CAPRIN1: variants seen among roughly 807,000 people sequenced by gnomAD.
CAPRIN1 encodes the protein cell cycle associated protein 1, also known as caprin-1.
Under a neutral mutation model 100.9 loss-of-function variants are expected in CAPRIN1, and 29 were observed. The ratio of observed to expected loss-of-function variants is 0.29; its 90% CI spans 0.21 to 0.39. The LOEUF (loss-of-function observed/expected upper bound fraction) is 0.39. Among genes scored for constraint, CAPRIN1 ranks in the 10% least tolerant of loss-of-function variants. CAPRIN1 has a pLI of 1.00. For missense variants in CAPRIN1, 795 were observed against 876.7 expected (o/e 0.91, Z 1.18); for synonymous variants, 338 against 307.5 (o/e 1.10, Z -1.04).
chr11:34,096,331 A>C, intron 15 of CAPRIN1, 148 bp from the exon 16 acceptor site: 1 of 579,674 alleles, frequency 1.7e-6, no homozygotes, highest in Non-Finnish European at 3.0e-6. Context: ...GACTTTATTC[A>C]TGTGTAGTTT....
chr11:34,053,162 GAGAAGTGT>G (rs1850367083), intron 2 of CAPRIN1: 1 of 987,704 alleles, frequency 1.0e-6, no homozygotes, highest in Non-Finnish European at 1.2e-6. Flanking sequence ...TTCCGTAGGA[GAGAAGTGT>G]GTTTAGAATC....
chr11:34,076,194 A>T, intron 4 of CAPRIN1, 42 bp from the exon 5 acceptor site: 4 of 1,463,062 alleles, frequency 2.7e-6, no homozygotes, highest in Non-Finnish European at 3.8e-6. Flanking sequence ...ACTAAGTTTT[A>T]TATAACTAAT....
intron 2 of CAPRIN1, among the ~76,000 whole-genome samples, chr11:34,059,959 G>T (rs1438141599): frequency 6.7e-6 from 1 of 148,924 alleles, no homozygotes; most frequent in South Asian, 2.1e-4. Context: ...ACTTTGGGAG[G>T]CTGAGGCAGG....
intron 9 of CAPRIN1, among the ~76,000 whole-genome samples, chr11:34,085,631 C>T (rs1490612477): frequency 6.6e-6 from 1 of 152,024 alleles, no homozygotes. Context: ...GTGTGAAACC[C>T]TGTCTCCGCT....
At chr11:34,095,002 C>T (rs889999898) in intron 15 of CAPRIN1, among the ~76,000 whole-genome samples, 6 of 152,114 alleles carry the variant, frequency 3.9e-5, no homozygotes, top group Admixed American at 3.3e-4. Context: ...CTCACCTCAG[C>T]CTCCCAAGTA....
intron 2 of CAPRIN1, among the ~76,000 whole-genome samples, chr11:34,058,723 C>A (rs1289676626): frequency 1.3e-5 from 2 of 152,106 alleles, no homozygotes; most frequent in Non-Finnish European, 2.9e-5. Context: ...ATTGGGACAT[C>A]CATATTGTAA....
intron 1 of CAPRIN1, 33 bp downstream of exon 1, chr11:34,051,904 G>A (rs978753326): frequency 2.0e-5 from 3 of 152,142 alleles, no homozygotes; most frequent in African/African-American, 7.2e-5. Context: ...CCGCTGCAGG[G>A]GAAGAGGGCC....
In CAPRIN1 at chr11:34,102,147, C is replaced by T. The variant is rs1033220792; in HGVS notation, c.*2780C>T. ...TGTCTCCTTTTATATGCAGCTCTTA[C>T]GTGGGAGACTTTTCCACTTAAAGGA... On this transcript the variant is annotated 3_prime_UTR_variant, in exon 19 of 19. Transcript: ENST00000341394. 1.2e-4 allele frequency among the ~76,000 whole-genome samples: 19 copies of T among 152,066 alleles called. No individual in the cohort carries two copies. The highest frequency in any genetic ancestry group is 3.9e-4 in the African/African-American group (16 of 41,382).
In CAPRIN1 at chr11:34,085,967, A is replaced by G. The variant is rs1851133412; in HGVS notation, c.967-97A>G. 6.6e-6 allele frequency: 6 copies of G among 911,904 alleles called. 1 individual carries two copies. In the South Asian group the frequency reaches 9.7e-5, roughly 15 times the overall value. 56.5% of individuals were successfully genotyped at this position (911,904 alleles called of 1,614,324 possible). On this transcript the variant is annotated intron_variant, in intron 9 of 18. Transcript: ENST00000341394. ...CATTAAAGCCCGTTCTGTTTATAGT[A>G]TAGATGGTTTATGTAGTGTGGGGGA...
intron 9 of CAPRIN1, 112 bp downstream of exon 9, chr11:34,083,153 A>G (rs989697586): frequency 5.5e-6 from 4 of 723,040 alleles, no homozygotes; most frequent in Non-Finnish European, 9.6e-6. Context: ...ATTTATTATA[A>G]TAACAGACTC....
At chr11:34,074,416 G>A (rs1179380081) in intron 4 of CAPRIN1, among the ~76,000 whole-genome samples, 3 of 152,144 alleles carry the variant, frequency 2.0e-5, no homozygotes, top group Admixed American at 6.5e-5. Flanking sequence ...CATGCTTTTT[G>A]TTTAGCATTC....
chr11:34,063,396 G>A (rs1850622705), intron 2 of CAPRIN1: 1 of 152,230 alleles, frequency 6.6e-6, no homozygotes, highest in Non-Finnish European at 1.5e-5. Context: ...TCAATTTACA[G>A]TTAGGTGAAA....
chr11:34,078,582 T>G (rs1202205353), intron 6 of CAPRIN1, among the ~76,000 whole-genome samples: 2 of 152,224 alleles, frequency 1.3e-5, no homozygotes, highest in African/African-American at 4.8e-5. Flanking sequence ...TTTAAAATCT[T>G]TAGTGGCTTC....
chr11:34,096,571 A>C lies in CAPRIN1; in HGVS notation c.1798A>C (p.Ser600Arg). ...PPQQNTGFPR[S>R]NQPYYNSRGV... ...TCAGCAGAACACTGGATTTCCACGT[A>C]GCAATCAGCCCTATTACAATAGTCG... The change falls in exon 16 of 19, where the codon AGC (serine) becomes CGC (arginine). Residue 600 changes from serine to arginine, a missense_variant. Around this residue, in one of 3 missense-constraint regions of CAPRIN1, gnomAD observed 648 missense variants for 697.9 expected, o/e 0.93. Coordinates refer to ENST00000341394, the MANE Select transcript of CAPRIN1 (RefSeq NM_005898.5). 6.2e-7 allele frequency: 1 copy of C among 1,614,164 alleles called. No homozygotes were observed. Among genetic ancestry groups the C allele is most frequent in the South Asian group, 1.1e-5 (1 of 91,088 alleles).
rs528866875 is a variant in CAPRIN1 at position 34,089,995 on chromosome 11, T to C, written c.1294-184T>C. ...TATTTAACGTCGAGCTTCAAAAATATATATATTTTTGCAATTTTTAGGTTT... is the reference window on the plus strand; with the variant it reads ...TATTTAACGTCGAGCTTCAAAAATACATATATTTTTGCAATTTTTAGGTTT... On this transcript the variant is annotated intron_variant, in intron 12 of 18. Transcript: ENST00000341394. 700 of 380,062 alleles carry C rather than the reference T, an allele frequency of 1.8e-3. 10 individuals are homozygous for C. The highest frequency in any genetic ancestry group is 2.2e-3 in the Middle Eastern group (3 of 1,358). 23.5% of individuals were successfully genotyped at this position (380,062 alleles called of 1,614,324 possible).
At chr11:34,080,991 T>G (rs555175793) in intron 7 of CAPRIN1, among the ~76,000 whole-genome samples, 1 of 152,210 alleles carries the variant, frequency 6.6e-6, no homozygotes, top group Non-Finnish European at 1.5e-5. Flanking sequence ...CTACTACTTA[T>G]GAGACGGGAG....
chr11:34,052,592 C>G lies in CAPRIN1; in HGVS notation c.172C>G (p.Leu58Val), dbSNP rs1850347098. Residue 58 changes from leucine to valine, a missense_variant, in exon 2 of 19, where the codon CTC becomes GTC. By Grantham distance (32) the Leu-to-Val change is conservative. Transcript: ENST00000341394. ...AVQTEAMKQILGVIDKKLRNL... is the reference protein window; with the variant it reads ...AVQTEAMKQIVGVIDKKLRNL... Reference sequence around the variant, plus strand: ...CCAGACCGAGGCCATGAAGCAGATTCTCGGGGTGATCGACAAGAAACTTCG... The same window carrying G: ...CCAGACCGAGGCCATGAAGCAGATTGTCGGGGTGATCGACAAGAAACTTCG... 6.2e-7 allele frequency: 1 copy of G among 1,611,334 alleles called. No homozygotes were observed.
intron 16 of CAPRIN1, among the ~76,000 whole-genome samples, chr11:34,096,963 T>C (rs887927915): frequency 6.6e-6 from 1 of 152,214 alleles, no homozygotes; most frequent in East Asian, 1.9e-4. Flanking sequence ...TTGTTTATTA[T>C]ATTTGTACAG....
chr11:34,078,858 G>A (rs2134113834), intron 6 of CAPRIN1, among the ~76,000 whole-genome samples: 1 of 152,252 alleles, frequency 6.6e-6, no homozygotes, highest in South Asian at 2.1e-4. Flanking sequence ...ACCTTTTGTG[G>A]CCTCACTCTG....
Sources: allele counts gnomAD v4.1 joint callset (sites outside exome capture counted in the v4.1 genomes callset), GRCh38; gene constraint gnomAD v4.1.1; regional missense constraint gnomAD v4.1.1; transcripts MANE v1.5; gene names NCBI Gene and HGNC (gene_info 2026-07-23, HGNC 2026-07-21).